The following LHX4 variants were observed in gnomAD, a reference collection of about 807,000 sequenced individuals.
LHX4 encodes LIM homeobox 4, also known as LIM/homeobox protein Lhx4.
Under a neutral mutation model 39.2 loss-of-function variants are expected in LHX4, and 16 were observed. The observed-to-expected ratio is 0.41, with a 90% confidence interval of 0.28 to 0.62. LHX4 has a LOEUF of 0.62. Ranked by LOEUF, LHX4 falls within the 20% of genes least tolerant of loss-of-function variation. LHX4 has a pLI of 0.33. For missense variants in LHX4, 439 were observed against 511.9 expected (o/e 0.86, Z 1.37); for synonymous variants, 206 against 198.1 (o/e 1.04, Z -0.33).
intron 3 of LHX4, among the ~76,000 whole-genome samples, chr1:180,268,356 C>T (rs115699521): frequency 1.3e-3 from 199 of 152,304 alleles, no homozygotes; most frequent in African/African-American, 4.7e-3. Flanking sequence ...GTTCAAGAGA[C>T]AAGAGAAACA....
chr1:180,229,820 C>A (rs935391113), upstream of LHX4, among the ~76,000 whole-genome samples: 4 of 151,752 alleles, frequency 2.6e-5, no homozygotes, highest in African/African-American at 9.7e-5. Context: ...GGACACGAGC[C>A]GCGCGGGCTT....
At chr1:180,258,413 G>A (rs112487219) in intron 2 of LHX4, among the ~76,000 whole-genome samples, 2,990 of 152,302 alleles carry the variant, frequency 0.02, 91 homozygotes, top group African/African-American at 0.067. Context: ...CTTGGTGGCC[G>A]TTAGGGAGCC....
At chr1:180,272,082 G>A in intron 5 of LHX4, 76 bp downstream of exon 5, 1 of 1,405,238 alleles carries the variant, frequency 7.1e-7, no homozygotes, top group Non-Finnish European at 9.6e-7. Flanking sequence ...GCACTCAGGA[G>A]GGATCTTTCT....
At chr1:180,256,370 C>G (rs532451672) in intron 2 of LHX4, among the ~76,000 whole-genome samples, 83 of 152,318 alleles carry the variant, frequency 5.4e-4, no homozygotes, top group African/African-American at 1.9e-3. Flanking sequence ...GTTTGTCACT[C>G]TGGTCCCCGG....
intron 3 of LHX4, chr1:180,270,754 C>T (rs1320901428): frequency 6.4e-6 from 1 of 157,324 alleles, no homozygotes; most frequent in Non-Finnish European, 1.4e-5. Context: ...TCTTGCCATT[C>T]CATCCCATTC....
upstream of LHX4, among the ~76,000 whole-genome samples, chr1:180,228,751 C>G (rs551919152): frequency 1.9e-4 from 29 of 152,302 alleles, no homozygotes; most frequent in East Asian, 5.4e-3. Context: ...CGCAGACGAC[C>G]AGGCCATTCT....
At chr1:180,267,745 CCTT>C (rs1457074645) in intron 3 of LHX4, among the ~76,000 whole-genome samples, 9 of 152,198 alleles carry the variant, frequency 5.9e-5, no homozygotes, top group African/African-American at 2.2e-4. Flanking sequence ...TTATGTATCT[CCTT>C]CTAGATCTTT....
chr1:180,230,297 T>A lies in LHX4; in HGVS notation c.-233T>A, dbSNP rs1664145016. On this transcript the variant is annotated 5_prime_UTR_variant, in exon 1 of 6. Transcript: ENST00000263726. This position sits in a 1 kb window ranked among gnomAD's most constrained non-coding sequence, Gnocchi z 5.8. Reference sequence around the variant, plus strand: ...AGCAACAGCGTCTCAACCTGGGATGTGCACCAACCCCGGAGAGCGAGATCA... The same window carrying A: ...AGCAACAGCGTCTCAACCTGGGATGAGCACCAACCCCGGAGAGCGAGATCA... 3 of 594,854 alleles carry A rather than the reference T, an allele frequency of 5.0e-6. No individual in the cohort carries two copies. The highest frequency in any genetic ancestry group is 9.0e-6 in the Non-Finnish European group (3 of 332,924). The allele number at this position is 594,854 out of a possible 1,614,324, so 36.8% of individuals were successfully genotyped here. A position where few individuals can be genotyped will look rare whatever the true frequency, so the allele number is the denominator to read the frequency against.
chr1:180,259,333 A>C (rs901856028), intron 2 of LHX4, among the ~76,000 whole-genome samples: 2 of 152,094 alleles, frequency 1.3e-5, no homozygotes, highest in East Asian at 1.9e-4. Flanking sequence ...ATGCCTGTAC[A>C]TGGATGGAAG....
chr1:180,257,335 A>G (rs996898162), intron 2 of LHX4, among the ~76,000 whole-genome samples: 2 of 152,250 alleles, frequency 1.3e-5, no homozygotes, highest in Admixed American at 6.5e-5. Flanking sequence ...AAATAAAAAC[A>G]TTAGATTAAA....
chr1:180,243,758 A>G (rs756273618), intron 1 of LHX4, among the ~76,000 whole-genome samples: 2 of 152,044 alleles, frequency 1.3e-5, no homozygotes, highest in South Asian at 2.1e-4. Flanking sequence ...TGCCTGTGTC[A>G]TCTCAGTTTT....
intron 2 of LHX4, among the ~76,000 whole-genome samples, chr1:180,252,461 A>C (rs935010162): frequency 6.6e-6 from 1 of 152,172 alleles, no homozygotes; most frequent in African/African-American, 2.4e-5. Flanking sequence ...ACGCTCCTTG[A>C]AGAAAAAGAA....
chr1:180,268,242 G>C (rs1258381075), intron 3 of LHX4, among the ~76,000 whole-genome samples: 2 of 152,168 alleles, frequency 1.3e-5, no homozygotes, highest in Admixed American at 6.5e-5. Context: ...GTTCATCAGA[G>C]ATACTAAGAT....
upstream of LHX4, among the ~76,000 whole-genome samples, chr1:180,228,759 T>C (rs565340522): frequency 1.3e-5 from 2 of 152,254 alleles, no homozygotes; most frequent in East Asian, 3.9e-4. Context: ...ACCAGGCCAT[T>C]CTCCCCCGCC....
chr1:180,274,640 A>AAGAG lies in LHX4; in HGVS notation c.*63_*66dup. On this transcript the variant is annotated 3_prime_UTR_variant, in exon 6 of 6. Coordinates refer to ENST00000263726, the MANE Select transcript of LHX4 (RefSeq NM_033343.4). ...TTGAGAGAATATCTTCAAGGATCAA[A>AAGAG]AGAGACTTGCCTTTTAAGGATCGAA... 1.3e-6 allele frequency: 2 copies of AAGAG among 1,482,000 alleles called. No individual in the cohort carries two copies. Among genetic ancestry groups the AAGAG allele is most frequent in the Admixed American group, 4.5e-5 (2 of 44,884 alleles). The allele number at this position is 1,482,000 out of a possible 1,614,324, so 91.8% of individuals were successfully genotyped here. A position where few individuals can be genotyped will look rare whatever the true frequency, so the allele number is the denominator to read the frequency against.
intron 2 of LHX4, among the ~76,000 whole-genome samples, chr1:180,260,088 G>A (rs187046166): frequency 4.3e-4 from 66 of 151,790 alleles, no homozygotes; most frequent in African/African-American, 1.5e-3. Context: ...AGTCACCCAG[G>A]CGGGAAGCAA....
intron 2 of LHX4, 100 bp downstream of exon 2, chr1:180,248,556 A>T: frequency 7.6e-7 from 1 of 1,319,824 alleles, no homozygotes; most frequent in Non-Finnish European, 1.1e-6. Flanking sequence ...GAGGGTGGAG[A>T]GTCCACTCTG....
chr1:180,243,216 C>T (rs1332726973), intron 1 of LHX4, among the ~76,000 whole-genome samples: 3 of 151,860 alleles, frequency 2.0e-5, no homozygotes, highest in South Asian at 2.1e-4. Context: ...CTCAAACTCC[C>T]GGCCTCAAAT....
intron 2 of LHX4, among the ~76,000 whole-genome samples, chr1:180,248,951 T>TA (rs1462417407): frequency 6.6e-6 from 1 of 152,234 alleles, no homozygotes; most frequent in African/African-American, 2.4e-5. Flanking sequence ...GAGTTGCTTC[T>TA]GGCAGGAGGC....
Sources: allele counts gnomAD v4.1 joint callset (sites outside exome capture counted in the v4.1 genomes callset), GRCh38; gene constraint gnomAD v4.1.1; non-coding constraint Gnocchi (gnomAD v3.1); transcripts MANE v1.5; gene names NCBI Gene and HGNC (gene_info 2026-07-23, HGNC 2026-07-21).